SPAG16: variants seen among roughly 807,000 people sequenced by gnomAD.
SPAG16 encodes sperm associated antigen 16, also known as sperm-associated antigen 16 protein.
In SPAG16, 86 loss-of-function variants were observed where a neutral mutation model predicts 80.4. The observed-to-expected ratio is 1.07, with a 90% CI of 0.90 to 1.28. The LOEUF is 1.28. SPAG16 is among the 50% of genes most tolerant of loss of function. The pLI, the probability that SPAG16 is intolerant of heterozygous loss-of-function variation, is 0.00. For synonymous variants in SPAG16, 294 were observed against 265.9 expected (o/e 1.11, Z -1.03); for missense variants, 870 against 765.3 (o/e 1.14, Z -1.61).
At chr2:214,024,597 G>T (rs1225312456) in intron 13 of SPAG16, among the ~76,000 whole-genome samples, 2 of 151,426 alleles carry the variant, frequency 1.3e-5, no homozygotes, top group Non-Finnish European at 3.0e-5. Flanking sequence ...TAAACTTAAA[G>T]ATATTTGTTT....
chr2:214,267,822 T>C (rs1691693509), intron 15 of SPAG16, among the ~76,000 whole-genome samples: 1 of 151,804 alleles, frequency 6.6e-6, no homozygotes, highest in African/African-American at 2.4e-5. Context: ...TGTATGGAAC[T>C]ACATGGGCTT....
chr2:213,794,554 C>T (rs951180224), intron 10 of SPAG16, among the ~76,000 whole-genome samples: 3 of 151,862 alleles, frequency 2.0e-5, no homozygotes, highest in South Asian at 2.1e-4. Flanking sequence ...CTTTTCTTCC[C>T]GAAATACTTA....
chr2:213,603,551 G>T (rs1278987006), intron 10 of SPAG16, among the ~76,000 whole-genome samples: 1 of 152,168 alleles, frequency 6.6e-6, no homozygotes, highest in Non-Finnish European at 1.5e-5. Context: ...CACTAAAAGA[G>T]ATTTAAAACT....
intron 13 of SPAG16, among the ~76,000 whole-genome samples, chr2:214,017,370 G>T (rs1248008225): frequency 6.6e-6 from 1 of 152,124 alleles, no homozygotes; most frequent in African/African-American, 2.4e-5. Flanking sequence ...GTATAAAAGT[G>T]ATTGGTAGAG....
At chr2:213,648,108 T>C (rs1412635559) in intron 10 of SPAG16, among the ~76,000 whole-genome samples, 1 of 152,240 alleles carries the variant, frequency 6.6e-6, no homozygotes, top group Non-Finnish European at 1.5e-5. Context: ...ACCCCCTTTA[T>C]AATCATTTCT....
intron 11 of SPAG16, among the ~76,000 whole-genome samples, chr2:213,883,863 T>C (rs1593690): frequency 0.59 from 90,353 of 151,974 alleles, 28,745 homozygotes; most frequent in South Asian, 0.85. Flanking sequence ...GTTTTTATAG[T>C]AGATCTTTCT....
chr2:214,340,754 C>A (rs561555554), intron 15 of SPAG16, among the ~76,000 whole-genome samples: 1 of 152,166 alleles, frequency 6.6e-6, no homozygotes, highest in South Asian at 2.1e-4. Flanking sequence ...AATTAAGGTG[C>A]TGGCTGAGGC....
chr2:213,593,469 G>A (rs2060776884), intron 10 of SPAG16, among the ~76,000 whole-genome samples: 1 of 152,004 alleles, frequency 6.6e-6, no homozygotes, highest in Non-Finnish European at 1.5e-5. Flanking sequence ...TAAGTTAAAA[G>A]TATACCTTTT....
chr2:214,012,286 A>ATTTTTTTTTT (rs1162955315), intron 12 of SPAG16, among the ~76,000 whole-genome samples: 45 of 54,922 alleles, frequency 8.2e-4, no homozygotes, highest in South Asian at 4.4e-3. Context: ...ATATATATAT[A>ATTTTTTTTTT]TATTTTTTTT....
chr2:213,562,643 G>A (rs1283665315), intron 10 of SPAG16, among the ~76,000 whole-genome samples: 4 of 151,902 alleles, frequency 2.6e-5, no homozygotes, highest in Non-Finnish European at 5.9e-5. Flanking sequence ...GGTGGAAGAG[G>A]CAGATCTGGT....
intron 9 of SPAG16, among the ~76,000 whole-genome samples, chr2:213,391,659 G>T (rs1029068374): frequency 2.0e-5 from 3 of 152,130 alleles, no homozygotes; most frequent in Non-Finnish European, 4.4e-5. Flanking sequence ...TGTTTCGATA[G>T]AAAAGGTTAT....
chr2:213,963,105 T>C (rs868164798), intron 12 of SPAG16, among the ~76,000 whole-genome samples: 14 of 140,824 alleles, frequency 9.9e-5, no homozygotes, highest in South Asian at 9.4e-4. Context: ...TTTTTTTTTT[T>C]TTTAATGTCT....
At chr2:213,357,618 C>T (rs1414703091) in intron 7 of SPAG16, among the ~76,000 whole-genome samples, 1 of 152,090 alleles carries the variant, frequency 6.6e-6, no homozygotes, top group Non-Finnish European at 1.5e-5. Flanking sequence ...GGTAGCTCTT[C>T]CTTCATCCCT....
chr2:213,763,559 TA>T (rs1317104899), intron 10 of SPAG16, among the ~76,000 whole-genome samples: 1 of 152,132 alleles, frequency 6.6e-6, no homozygotes, highest in Non-Finnish European at 1.5e-5. Flanking sequence ...GAGTTTCAGT[TA>T]TGCAACATTA....
chr2:214,370,423 C>CT (rs1307160130), intron 15 of SPAG16, among the ~76,000 whole-genome samples: 1 of 152,030 alleles, frequency 6.6e-6, no homozygotes, highest in Non-Finnish European at 1.5e-5. Context: ...ATGTATTGAT[C>CT]TTTTTTCCTA....
intron 10 of SPAG16, among the ~76,000 whole-genome samples, chr2:213,715,222 GTCTATCTATCTATCTATCTATCTA>G (rs1553615157): frequency 9.1e-6 from 1 of 110,460 alleles, no homozygotes; most frequent in Non-Finnish European, 2.2e-5. Flanking sequence ...AGATCTATCT[GTCTATCTATCTATCTATCTATCTA>G]TCTATCTATC....
intron 11 of SPAG16, among the ~76,000 whole-genome samples, chr2:213,874,610 T>C (rs1559928): frequency 0.59 from 90,373 of 151,962 alleles, 28,750 homozygotes; most frequent in South Asian, 0.85. Flanking sequence ...CACAAACACA[T>C]GAGTAATGTG....
chr2:213,459,156 C>T (rs2072214824), intron 9 of SPAG16, among the ~76,000 whole-genome samples: 1 of 152,068 alleles, frequency 6.6e-6, no homozygotes, highest in African/African-American at 2.4e-5. Context: ...ATTAGTCTTC[C>T]AGTTCACAAA....
At chr2:213,902,384 G>A (rs549976257) in intron 11 of SPAG16, among the ~76,000 whole-genome samples, 2 of 152,312 alleles carry the variant, frequency 1.3e-5, no homozygotes, top group South Asian at 2.1e-4. Flanking sequence ...GTTCCACATG[G>A]CTGAGGAGGC....
Sources: allele counts gnomAD v4.1 joint callset (sites outside exome capture counted in the v4.1 genomes callset), GRCh38; gene constraint gnomAD v4.1.1; transcripts MANE v1.5; gene names NCBI Gene and HGNC (gene_info 2026-07-23, HGNC 2026-07-21).